Variants in FSTL4 observed in about 807,000 individuals in gnomAD.
FSTL4 encodes the protein follistatin-related protein 4.
In FSTL4, 28 loss-of-function variants were observed where a neutral mutation model predicts 78.2. The observed-to-expected ratio is 0.36, with a 90% CI of 0.27 to 0.49. FSTL4 has a LOEUF of 0.49. FSTL4 is among the 20% of genes least tolerant of loss of function. The pLI, the probability that FSTL4 is intolerant of heterozygous loss-of-function variation, is 0.98. For synonymous variants in FSTL4, 422 were observed against 440.5 expected (o/e 0.96, Z 0.53); for missense variants, 922 against 1,084.9 (o/e 0.85, Z 2.11).
chr5:133,607,058 C>T (rs1323118032), intron 1 of FSTL4, among the ~76,000 whole-genome samples: 1 of 89,626 alleles, frequency 1.1e-5, no homozygotes, highest in East Asian at 3.6e-4. Flanking sequence ...TATCTGGAAA[C>T]AGGAAAACTC....
At chr5:133,312,398 T>C (rs546815028) in intron 6 of FSTL4, 32 of 483,490 alleles carry the variant, frequency 6.6e-5, no homozygotes, top group Middle Eastern at 5.6e-4. Context: ...TATGCTTCAA[T>C]TACAGTCCTG....
intron 4 of FSTL4, among the ~76,000 whole-genome samples, chr5:133,337,968 A>C (rs10515459): frequency 0.15 from 23,314 of 152,078 alleles, 2,245 homozygotes; most frequent in African/African-American, 0.26. Flanking sequence ...AGATCACTTA[A>C]AATTGTGTGG....
chr5:133,591,326 A>C (rs1171557386), intron 2 of FSTL4, among the ~76,000 whole-genome samples: 2 of 152,200 alleles, frequency 1.3e-5, no homozygotes, highest in Non-Finnish European at 2.9e-5. Flanking sequence ...ATTTAACAGC[A>C]CAAGGCAGGC....
rs191609194 is a variant in FSTL4, at chr5:133,289,711, A to G, written c.727+22943T>C. ...CCTGTCCTGGCACAGATGTAGCCCAAAGCCTGACATTCTGCCTCCAGAGCT... is the reference window on the plus strand; with the variant it reads ...CCTGTCCTGGCACAGATGTAGCCCAGAGCCTGACATTCTGCCTCCAGAGCT... On this transcript the variant is annotated intron_variant, in intron 6 of 15. Transcript: ENST00000265342. Among the ~76,000 whole-genome samples, 105 of 152,302 alleles carry G rather than the reference A, an allele frequency of 6.9e-4. 1 individual carries two copies. Among genetic ancestry groups the G allele is most frequent in the African/African-American group, 2.5e-3 (103 of 41,568 alleles).
At chr5:133,501,208 T>G (rs891189673) in intron 3 of FSTL4, among the ~76,000 whole-genome samples, 2 of 151,894 alleles carry the variant, frequency 1.3e-5, no homozygotes, top group African/African-American at 4.8e-5. Flanking sequence ...GAAGACATCT[T>G]CCAACCAAAA....
rs372077621 is a variant in FSTL4 at position 133,210,217 on chromosome 5, C to T, written c.1690G>A (p.Val564Met). The change falls in exon 14 of 16, where the codon GTG becomes ATG. Residue 564 changes from valine to methionine, a missense_variant. Physicochemically the swap from Val to Met is conservative, Grantham distance 21. Coordinates refer to ENST00000265342, the MANE Select transcript of FSTL4 (RefSeq NM_015082.2). ...TGGAGACTTGGTCGGGACTTGTGCA[C>T]GTCCCCCCAGCTCAGGACCCACACT... The part of the protein sequence containing the change: ...DQVWVLSWGD[V>M]HKSRPSLQVI... The T allele has an allele frequency of 1.0e-5, 16 of 1,606,882 alleles. No individual in the cohort carries two copies. The highest frequency in any genetic ancestry group is 1.3e-5 in the African/African-American group (1 of 74,732).
intron 4 of FSTL4, among the ~76,000 whole-genome samples, chr5:133,319,595 A>C (rs903753911): frequency 5.3e-5 from 8 of 152,182 alleles, no homozygotes; most frequent in African/African-American, 1.9e-4. Context: ...AGTCAGGTGG[A>C]GAGTGAAACA....
At chr5:133,314,307 T>G (rs1037228338) in intron 5 of FSTL4, among the ~76,000 whole-genome samples, 6 of 152,192 alleles carry the variant, frequency 3.9e-5, no homozygotes, top group Non-Finnish European at 1.5e-5. Context: ...CTAGTGCTGA[T>G]GGAGGTGGTG....
chr5:133,209,608 A>C (rs1183740702), intron 14 of FSTL4, among the ~76,000 whole-genome samples: 1 of 152,104 alleles, frequency 6.6e-6, no homozygotes, highest in African/African-American at 2.4e-5. Flanking sequence ...CAGGGTTGCT[A>C]TTGACCTTTC....
chr5:133,364,057 A>G (rs78000633), intron 4 of FSTL4, among the ~76,000 whole-genome samples: 2,191 of 152,272 alleles, frequency 0.014, 63 homozygotes, highest in African/African-American at 0.05. Context: ...ATCTTTAAAT[A>G]ATTCCCTTCT....
intron 3 of FSTL4, among the ~76,000 whole-genome samples, chr5:133,456,254 C>A (rs1483842289): frequency 6.6e-6 from 1 of 152,250 alleles, no homozygotes; most frequent in African/African-American, 2.4e-5. Context: ...CTAGCCCAAA[C>A]CTCCTGGTGG....
At chr5:133,667,559 G>T in the FSTL4 span, among the ~76,000 whole-genome samples, 4 of 152,252 alleles carry the variant, frequency 2.6e-5, no homozygotes, top group East Asian at 7.7e-4. Context: ...GCTCCAGCTC[G>T]AATATATCAG....
At chr5:133,625,790 T>TATATATATTCCATATATATATATATTCC in the FSTL4 span, among the ~76,000 whole-genome samples, 1 of 8,614 alleles carries the variant, frequency 1.2e-4, no homozygotes, top group Non-Finnish European at 2.0e-4. Flanking sequence ...ATATTCCATA[T>TATATATATTCCATATATATATATATTCC]ATATATATAT....
chr5:133,287,154 T>C (rs1259783805), intron 6 of FSTL4, among the ~76,000 whole-genome samples: 5 of 152,078 alleles, frequency 3.3e-5, no homozygotes, highest in East Asian at 1.9e-4. Context: ...TTTGGGAGGC[T>C]GAGGCGGGTG....
intron 3 of FSTL4, among the ~76,000 whole-genome samples, chr5:133,417,958 TAAAAAAAAAAAA>T (rs527415337): frequency 0.14 from 7,034 of 50,890 alleles, 409 homozygotes; most frequent in Admixed American, 0.29. Context: ...GACTCCATCT[TAAAAAAAAAAAA>T]AAAAAAAAAA....
the FSTL4 span, among the ~76,000 whole-genome samples, chr5:133,831,683 C>T: frequency 1.3e-5 from 2 of 152,218 alleles, no homozygotes; most frequent in African/African-American, 4.8e-5. Context: ...GGAAAGACTG[C>T]ATGAAGATGT....
At chr5:133,791,278 G>GCGCACA in the FSTL4 span, among the ~76,000 whole-genome samples, 19 of 148,716 alleles carry the variant, frequency 1.3e-4, no homozygotes, top group East Asian at 5.9e-4. Flanking sequence ...ACATGTGCGT[G>GCGCACA]CACACACACA....
the FSTL4 span, among the ~76,000 whole-genome samples, chr5:133,801,537 A>G: frequency 6.6e-6 from 1 of 152,312 alleles, no homozygotes; most frequent in African/African-American, 2.4e-5. Flanking sequence ...AGCAGCCACC[A>G]TCTCTCACCT....
At position 133,220,810 on chromosome 5, in the gene FSTL4, G is replaced by T. The variant is rs552403197; in HGVS notation, c.1396C>A (p.His466Asn). ...CTCTGGATCTCACAGTCCACAGGAT[G>T]GATGACGATGATACCGTCGTCGGAG... ...VFSDDGIIVI[H>N]PVDCEIQRHL... The change falls in exon 12 of 16, where the codon CAT (histidine) becomes AAT (asparagine). Residue 466 changes from histidine (H) to asparagine (N), a missense_variant. Physicochemically the swap from His to Asn is moderately conservative, Grantham distance 68. Transcript: ENST00000265342. 1.2e-6 allele frequency: 2 copies of T among 1,613,362 alleles called. No individual in the cohort carries two copies. The highest frequency in any genetic ancestry group is 8.5e-7 in the Non-Finnish European group (1 of 1,179,290).
Sources: gnomAD v4.1 joint callset for allele counts (sites outside exome capture counted in the v4.1 genomes callset) on GRCh38, gnomAD v4.1.1 for gene constraint, MANE v1.5 for transcripts, NCBI Gene and HGNC (gene_info 2026-07-23, HGNC 2026-07-21) for gene names.